Variants in TAFA1 observed in about 807,000 individuals in gnomAD.
TAFA1 encodes TAFA chemokine like family member 1, also known as chemokine-like protein TAFA-1.
In TAFA1, 4 loss-of-function variants were observed where a neutral mutation model predicts 18.5. That is an observed-to-expected ratio of 0.22 (90% CI 0.11 to 0.49). The LOEUF is 0.49. Ranked by LOEUF, TAFA1 falls within the 20% of genes least tolerant of loss-of-function variation. The pLI is 0.98. For missense variants in TAFA1, 147 were observed against 169.0 expected (o/e 0.87, Z 0.72); for synonymous variants, 56 against 55.2 (o/e 1.01, Z -0.06).
intron 2 of TAFA1, among the ~76,000 whole-genome samples, chr3:68,262,053 T>A (rs2067436406): frequency 6.6e-6 from 1 of 151,520 alleles, no homozygotes; most frequent in Non-Finnish European, 1.5e-5. Context: ...TTAGGTAGAA[T>A]CATTTGTGAT....
chr3:68,233,844 ATCT>A (rs1211946045), intron 2 of TAFA1, among the ~76,000 whole-genome samples: 2 of 152,136 alleles, frequency 1.3e-5, no homozygotes, highest in Non-Finnish European at 2.9e-5. Flanking sequence ...GCTTACATAC[ATCT>A]TCTTGCATCT....
intron 2 of TAFA1, among the ~76,000 whole-genome samples, chr3:68,127,575 G>GTGGTGGTGATGA: frequency 6.6e-6 from 1 of 151,918 alleles, no homozygotes; most frequent in African/African-American, 2.4e-5. Flanking sequence ...GATGGTAGTG[G>GTGGTGGTGATGA]TGGTAGTGAT....
chr3:68,092,369 T>C (rs1263637474), intron 2 of TAFA1, among the ~76,000 whole-genome samples: 1 of 152,034 alleles, frequency 6.6e-6, no homozygotes. Flanking sequence ...AGAGAAAAAG[T>C]CAGAAAGATC....
rs111373615 is a variant in TAFA1 at position 68,411,932 on chromosome 3, C to T, written c.119-5348C>T. The stretch of plus-strand genomic sequence containing the variant: ...TTTGGGTATGATGGGACAATCAGAG[C>T]TTCCAACTGTTGGGGTCCTGTGGGG... On this transcript the variant is annotated intron_variant, in intron 2 of 4. Transcript: ENST00000478136. Among the ~76,000 whole-genome samples the T allele has an allele frequency of 2.6e-3, 401 of 152,278 alleles. 4 individuals are homozygous for T. The highest frequency in any genetic ancestry group is 0.014 in the Middle Eastern group (4 of 294).
chr3:68,246,270 T>G (rs1458199242), intron 2 of TAFA1, among the ~76,000 whole-genome samples: 1 of 152,134 alleles, frequency 6.6e-6, no homozygotes, highest in Admixed American at 6.5e-5. Flanking sequence ...CTGCTTTCAG[T>G]CCTTTGGTCT....
At chr3:68,235,877 G>T (rs1575697080) in intron 2 of TAFA1, among the ~76,000 whole-genome samples, 1 of 152,030 alleles carries the variant, frequency 6.6e-6, no homozygotes, top group Non-Finnish European at 1.5e-5. Flanking sequence ...CTGAGATATG[G>T]GAAAGAGAAA....
At chr3:68,234,554 A>T (rs2066906494) in intron 2 of TAFA1, among the ~76,000 whole-genome samples, 2 of 152,284 alleles carry the variant, frequency 1.3e-5, no homozygotes, top group South Asian at 4.1e-4. Context: ...CTGTGCACCC[A>T]CAGTTCCCAT....
intron 2 of TAFA1, among the ~76,000 whole-genome samples, chr3:68,309,698 G>C (rs537026312): frequency 9.8e-5 from 15 of 152,304 alleles, no homozygotes; most frequent in Admixed American, 9.8e-4. Flanking sequence ...AAACTTACTT[G>C]AGCAAAAATA....
chr3:68,203,012 T>G (rs1321649221), intron 2 of TAFA1, among the ~76,000 whole-genome samples: 2 of 151,732 alleles, frequency 1.3e-5, no homozygotes, highest in Non-Finnish European at 2.9e-5. Flanking sequence ...ATTCCCTCAG[T>G]TTGTGGTTGA....
intron 3 of TAFA1, among the ~76,000 whole-genome samples, chr3:68,432,686 G>C (rs936689863): frequency 1.3e-5 from 2 of 152,028 alleles, no homozygotes; most frequent in Non-Finnish European, 2.9e-5. Flanking sequence ...GTGTTTTCAT[G>C]CAGAAGTGAA....
At chr3:68,456,423 C>A (rs891489793) in intron 3 of TAFA1, among the ~76,000 whole-genome samples, 2 of 152,120 alleles carry the variant, frequency 1.3e-5, no homozygotes, top group African/African-American at 4.8e-5. Context: ...GATGCTCTTT[C>A]TCCTCAAAAA....
intron 2 of TAFA1, among the ~76,000 whole-genome samples, chr3:68,383,249 T>A (rs2070017004): frequency 7.6e-6 from 1 of 130,846 alleles, no homozygotes; most frequent in East Asian, 2.4e-4. Context: ...AGAGAGGGTA[T>A]CCTTGTCTTT....
At chr3:68,033,096 C>A (rs1447128540) in intron 2 of TAFA1, among the ~76,000 whole-genome samples, 2 of 152,030 alleles carry the variant, frequency 1.3e-5, no homozygotes, top group African/African-American at 4.8e-5. Context: ...TTGTGAAATA[C>A]AATAATGAAA....
intron 2 of TAFA1, among the ~76,000 whole-genome samples, chr3:68,163,955 T>C (rs565612982): frequency 1.1e-4 from 16 of 152,332 alleles, no homozygotes; most frequent in African/African-American, 3.8e-4. Context: ...CTATAAATTG[T>C]GTAATCTCTT....
intron 2 of TAFA1, among the ~76,000 whole-genome samples, chr3:68,296,180 C>T (rs1397828936): frequency 1.3e-5 from 2 of 152,160 alleles, no homozygotes; most frequent in Non-Finnish European, 2.9e-5. Context: ...AAGTCAACAC[C>T]AGCAATCTGG....
intron 2 of TAFA1, among the ~76,000 whole-genome samples, chr3:68,390,537 C>G (rs2070212740): frequency 6.6e-6 from 1 of 152,218 alleles, no homozygotes; most frequent in South Asian, 2.1e-4. Flanking sequence ...AAGTGGGTTC[C>G]TGACCCCCAT....
chr3:68,094,298 T>C (rs572266700), intron 2 of TAFA1, among the ~76,000 whole-genome samples: 6 of 152,232 alleles, frequency 3.9e-5, no homozygotes, highest in Admixed American at 3.9e-4. Context: ...AATCCTTCTC[T>C]GGCATCCTAA....
chr3:68,541,446 C>T (rs1436067117), intron 4 of TAFA1, among the ~76,000 whole-genome samples: 1 of 152,118 alleles, frequency 6.6e-6, no homozygotes, highest in Non-Finnish European at 1.5e-5. Flanking sequence ...CTTATGTATT[C>T]TTCTCCATCA....
chr3:68,416,498 G>C (rs577714945), intron 2 of TAFA1, among the ~76,000 whole-genome samples: 6 of 152,116 alleles, frequency 3.9e-5, no homozygotes, highest in Admixed American at 3.9e-4. Flanking sequence ...TATCTTTTGC[G>C]TGTCTCTAGA....
Sources: allele counts gnomAD v4.1 joint callset (sites outside exome capture counted in the v4.1 genomes callset), GRCh38; gene constraint gnomAD v4.1.1; transcripts MANE v1.5; gene names NCBI Gene and HGNC (gene_info 2026-07-23, HGNC 2026-07-21).